The following GRIN3A variants were observed in gnomAD, a reference collection of about 807,000 sequenced individuals.
GRIN3A encodes glutamate receptor ionotropic, NMDA 3A.
Under a neutral mutation model 92.4 loss-of-function variants are expected in GRIN3A, and 47 were observed. That is an observed-to-expected ratio of 0.51 (90% CI 0.40 to 0.65). GRIN3A has a LOEUF of 0.65. Ranked by LOEUF, GRIN3A falls within the 30% of genes least tolerant of loss-of-function variation. The pLI is 0.00. For synonymous variants in GRIN3A, 527 were observed against 540.6 expected (o/e 0.97, Z 0.35); for missense variants, 1,324 against 1,393.1 (o/e 0.95, Z 0.79).
chr9:101,690,527 G>C (rs1008271528), intron 1 of GRIN3A, among the ~76,000 whole-genome samples: 2 of 152,156 alleles, frequency 1.3e-5, no homozygotes, highest in East Asian at 1.9e-4. Flanking sequence ...TGCAGGGAGA[G>C]AGGAGTCACC....
intron 1 of GRIN3A, among the ~76,000 whole-genome samples, chr9:101,690,667 T>C (rs924282486): frequency 1.3e-5 from 2 of 152,080 alleles, no homozygotes; most frequent in Non-Finnish European, 2.9e-5. Context: ...GTAAAAATAT[T>C]TGGAAAAAGA....
chr9:101,603,732 G>A (rs970246964), intron 6 of GRIN3A, among the ~76,000 whole-genome samples: 5 of 152,184 alleles, frequency 3.3e-5, no homozygotes, highest in East Asian at 1.9e-4. Context: ...AGAATCCCTC[G>A]GGAAGGGGCC....
intron 3 of GRIN3A, among the ~76,000 whole-genome samples, chr9:101,657,638 A>G (rs1829107170): frequency 6.6e-6 from 1 of 151,930 alleles, no homozygotes; most frequent in Non-Finnish European, 1.5e-5. Context: ...GTCTAACTGC[A>G]GGGGAGAAAG....
intron 1 of GRIN3A, among the ~76,000 whole-genome samples, chr9:101,688,117 T>G (rs1047463193): frequency 2.0e-5 from 3 of 152,198 alleles, no homozygotes; most frequent in African/African-American, 7.2e-5. Flanking sequence ...TTATGGGAAC[T>G]ATTGGATTGC....
intron 5 of GRIN3A, 109 bp from the exon 6 acceptor site, chr9:101,613,636 G>A (rs918070595): frequency 2.0e-6 from 2 of 1,006,668 alleles, no homozygotes; most frequent in African/African-American, 3.2e-5. Context: ...AGGGCGTGAT[G>A]AGTTTTCATC....
At chr9:101,643,180 A>T (rs1828888528) in intron 3 of GRIN3A, among the ~76,000 whole-genome samples, 1 of 152,082 alleles carries the variant, frequency 6.6e-6, no homozygotes, top group Admixed American at 6.6e-5. Context: ...TTAGAAACTC[A>T]TTCAGCTCAA....
chr9:101,672,313 T>C (rs991131894), intron 2 of GRIN3A, among the ~76,000 whole-genome samples: 1 of 152,204 alleles, frequency 6.6e-6, no homozygotes, highest in Admixed American at 6.5e-5. Flanking sequence ...ATATTCCAGA[T>C]ATGGTAACTC....
At chr9:101,687,448 G>A (rs889656877) in intron 1 of GRIN3A, among the ~76,000 whole-genome samples, 30 of 152,138 alleles carry the variant, frequency 2.0e-4, no homozygotes, top group African/African-American at 4.3e-4. Flanking sequence ...GTGAATATCA[G>A]AAGTAACACA....
At position 101,613,387 on chromosome 9, in the gene GRIN3A, C is replaced by T; in HGVS notation, c.2755G>A (p.Ala919Thr). 1 of 1,614,170 alleles carries T rather than the reference C, an allele frequency of 6.2e-7. No individual in the cohort carries two copies. Among genetic ancestry groups the T allele is most frequent in the Non-Finnish European group, 8.5e-7 (1 of 1,180,038 alleles). ...RVVPCGKRSF[A>T]VTETLQMGIK... ...CAGTCTTTCCATACCTCCGTGACAG[C>T]AAAACTTCTCTTGCCACAGGGAACC... The change falls in exon 6 of 9, where the codon GCT becomes ACT. Residue 919 changes from alanine (A) to threonine (T), a missense_variant. Transcript: ENST00000361820.
chr9:101,674,755 T>TCCTC (rs1335044092), intron 2 of GRIN3A, among the ~76,000 whole-genome samples: 1 of 151,980 alleles, frequency 6.6e-6, no homozygotes, highest in African/African-American at 2.4e-5. Flanking sequence ...TCTAAACAAA[T>TCCTC]CTTCCAGAGT....
intron 3 of GRIN3A, among the ~76,000 whole-genome samples, chr9:101,664,091 T>C (rs1169483687): frequency 6.6e-6 from 1 of 151,898 alleles, no homozygotes; most frequent in Non-Finnish European, 1.5e-5. Flanking sequence ...GCAGAACATA[T>C]GCCAATGGCT....
chr9:101,723,185 T>C (rs372443977), intron 1 of GRIN3A, among the ~76,000 whole-genome samples: 38 of 152,312 alleles, frequency 2.5e-4, no homozygotes, highest in African/African-American at 7.5e-4. Context: ...CCGCGGACCC[T>C]CGCGGTGAGT....
At chr9:101,678,821 G>A (rs1218399805) in intron 2 of GRIN3A, among the ~76,000 whole-genome samples, 1 of 152,168 alleles carries the variant, frequency 6.6e-6, no homozygotes, top group East Asian at 1.9e-4. Flanking sequence ...TCCATGTGTT[G>A]TAACTGGCAA....
Position 101,573,268 on chromosome 9 carries a change from T to A in GRIN3A, c.3254A>T (p.Gln1085Leu), listed in dbSNP as rs1202828682. 81 of 1,614,066 alleles carry A rather than the reference T, an allele frequency of 5.0e-5. No homozygotes were observed. Among genetic ancestry groups the A allele is most frequent in the Non-Finnish European group, 6.9e-5 (81 of 1,179,960 alleles). ...VMQELSELEK[Q>L]IQVIRQELQL... ...CAGCTCCTGACGGATCACCTGAATC[T>A]GCTTCTCGAGCTCTGAGAGTTCCTG... is the stretch of plus-strand genomic sequence containing the variant. Residue 1085 changes from glutamine to leucine, a missense_variant, in exon 9 of 9, where the codon CAG (glutamine) becomes CTG (leucine). Physicochemically the swap from Gln to Leu is moderately radical, Grantham distance 113 (BLOSUM62 -2). Coordinates refer to ENST00000361820, the MANE Select transcript of GRIN3A (RefSeq NM_133445.3).
Position 101,737,738 on chromosome 9 carries a change from G to A in GRIN3A, c.242C>T (p.Pro81Leu), listed in dbSNP as rs1367273335. Residue 81 changes from proline (P) to leucine (L), a missense_variant, in exon 1 of 9, where the codon CCG (proline) becomes CTG (leucine). Coordinates refer to ENST00000361820, the MANE Select transcript of GRIN3A (RefSeq NM_133445.3). ...DSRAGAQRDE[P>L]EPGTRRSPAP... ...CGGGGACCGCCTAGTCCCTGGCTCCGGCTCATCCCTCTGGGCTCCTGCTCG... is the reference window on the plus strand; with the variant it reads ...CGGGGACCGCCTAGTCCCTGGCTCCAGCTCATCCCTCTGGGCTCCTGCTCG... The A allele has an allele frequency of 9.2e-6, 14 of 1,527,984 alleles. 1 individual carries two copies. In the Admixed American group the frequency reaches 2.8e-4, roughly 31 times the overall value. 94.7% of individuals were successfully genotyped at this position (1,527,984 alleles called of 1,614,324 possible).
chr9:101,688,616 G>C (rs1359901996), intron 1 of GRIN3A, among the ~76,000 whole-genome samples: 9 of 152,034 alleles, frequency 5.9e-5, no homozygotes, highest in African/African-American at 1.9e-4. Flanking sequence ...ATGAAAAATG[G>C]TCTTTTTAAA....
At chr9:101,684,143 G>T (rs745523236) in intron 2 of GRIN3A, among the ~76,000 whole-genome samples, 56 of 138,998 alleles carry the variant, frequency 4.0e-4, no homozygotes, top group Non-Finnish European at 6.4e-4. Flanking sequence ...ACGGAGTCTC[G>T]CCAGGCTGGA....
rs1050886601 is a variant in GRIN3A, at chr9:101,617,068, C to T, written c.2615-3541G>A. ...ACAAAAAATTAGCCGGGCGTGGTGGCGGGCGCCTGTAGTCGCAGCTACTCG... is the reference window on the plus strand; with the variant it reads ...ACAAAAAATTAGCCGGGCGTGGTGGTGGGCGCCTGTAGTCGCAGCTACTCG... On this transcript the variant is annotated intron_variant, in intron 5 of 8. Transcript: ENST00000361820. Among the ~76,000 whole-genome samples, 158 of 149,936 alleles carry T rather than the reference C, an allele frequency of 1.1e-3. 1 individual carries two copies. Among genetic ancestry groups the T allele is most frequent in the African/African-American group, 3.5e-3 (142 of 40,282 alleles).
intron 2 of GRIN3A, among the ~76,000 whole-genome samples, chr9:101,682,593 C>T (rs532119140): frequency 2.6e-5 from 4 of 152,340 alleles, no homozygotes; most frequent in Admixed American, 2.6e-4. Context: ...AACACATGGT[C>T]ATTGGCTAGG....
Sources: allele counts gnomAD v4.1 joint callset (sites outside exome capture counted in the v4.1 genomes callset), GRCh38; gene constraint gnomAD v4.1.1; transcripts MANE v1.5; gene names NCBI Gene and HGNC (gene_info 2026-07-23, HGNC 2026-07-21).